Variants in CNTNAP2 observed in about 807,000 individuals in gnomAD.
CNTNAP2 encodes contactin-associated protein-like 2.
CNTNAP2 carries 98 observed loss-of-function variants against 155.2 expected under a neutral mutation model. The observed-to-expected ratio is 0.63, with a 90% CI of 0.54 to 0.75. The LOEUF (loss-of-function observed/expected upper bound fraction) is 0.75. Ranked by LOEUF, CNTNAP2 falls within the 30% of genes least tolerant of loss-of-function variation. CNTNAP2 has a pLI of 0.00. For synonymous variants in CNTNAP2, 651 were observed against 631.2 expected (o/e 1.03, Z -0.47); for missense variants, 1,727 against 1,688.1 (o/e 1.02, Z -0.40).
At chr7:147,862,789 C>T (rs768610863) in intron 13 of CNTNAP2, among the ~76,000 whole-genome samples, 2 of 152,068 alleles carry the variant, frequency 1.3e-5, no homozygotes, top group Admixed American at 6.6e-5. Flanking sequence ...TTCCTCAAAC[C>T]ACTGATTGTA....
At chr7:147,526,662 C>G (rs1799327444) in intron 11 of CNTNAP2, among the ~76,000 whole-genome samples, 1 of 152,096 alleles carries the variant, frequency 6.6e-6, no homozygotes, top group Admixed American at 6.5e-5. Flanking sequence ...TCAACAGATT[C>G]TAAAATATAT....
chr7:146,179,566 C>T (rs76780915), intron 1 of CNTNAP2, among the ~76,000 whole-genome samples: 1,911 of 152,070 alleles, frequency 0.013, 13 homozygotes, highest in Non-Finnish European at 0.021. Context: ...GCATGTTTTT[C>T]GAGAATTATT....
At chr7:146,265,790 T>C (rs561827654) in intron 1 of CNTNAP2, among the ~76,000 whole-genome samples, 1 of 152,320 alleles carries the variant, frequency 6.6e-6, no homozygotes, top group African/African-American at 2.4e-5. Flanking sequence ...GAATACTGAA[T>C]TCAGTGCAAT....
rs569709222 is a variant in CNTNAP2, at chr7:148,097,430, TA to T, written c.2384-20685del. Reference sequence around the variant, plus strand: ...ACAAGATAAATCAGGGACTTTGGAATAAAGAGTTAGTAATATGTTGAGTAGT... The same window carrying T: ...ACAAGATAAATCAGGGACTTTGGAATAAGAGTTAGTAATATGTTGAGTAGT... On this transcript the variant is annotated intron_variant, in intron 15 of 23. Coordinates refer to ENST00000361727, the MANE Select transcript of CNTNAP2 (RefSeq NM_014141.6). 4.0e-3 allele frequency among the ~76,000 whole-genome samples: 600 copies of T among 149,456 alleles called. 5 individuals are homozygous for T. The highest frequency in any genetic ancestry group is 0.014 in the African/African-American group (580 of 40,398).
At chr7:147,896,626 T>A (rs550494438) in intron 13 of CNTNAP2, among the ~76,000 whole-genome samples, 209 of 152,210 alleles carry the variant, frequency 1.4e-3, no homozygotes, top group African/African-American at 4.7e-3. Context: ...CCAGATCAGA[T>A]GAGCCAGTTT....
At chr7:148,325,921 T>C (rs1179695415) in intron 21 of CNTNAP2, among the ~76,000 whole-genome samples, 1 of 152,164 alleles carries the variant, frequency 6.6e-6, no homozygotes, top group East Asian at 1.9e-4. Flanking sequence ...CATGATGCCA[T>C]GTGTCTGCTA....
chr7:146,473,077 T>G (rs1225466708), intron 1 of CNTNAP2, among the ~76,000 whole-genome samples: 1 of 151,882 alleles, frequency 6.6e-6, no homozygotes, highest in African/African-American at 2.4e-5. Flanking sequence ...CATTTGAGAT[T>G]TAAAGAAATG....
intron 2 of CNTNAP2, among the ~76,000 whole-genome samples, chr7:146,784,821 C>T (rs777032070): frequency 4.6e-5 from 7 of 152,084 alleles, no homozygotes; most frequent in Non-Finnish European, 1.0e-4. Context: ...GCGTAGATAT[C>T]GTTTCTATGA....
intron 13 of CNTNAP2, among the ~76,000 whole-genome samples, chr7:147,813,813 G>T (rs193208804): frequency 6.6e-6 from 1 of 152,134 alleles, no homozygotes; most frequent in African/African-American, 2.4e-5. Context: ...CTAGCATTTG[G>T]CCATTCCATT....
chr7:146,530,435 A>C (rs1207270651), intron 1 of CNTNAP2, among the ~76,000 whole-genome samples: 1 of 152,210 alleles, frequency 6.6e-6, no homozygotes, highest in African/African-American at 2.4e-5. Flanking sequence ...GAGCAAAGTA[A>C]ACAGACAATC....
At chr7:146,275,603 C>T (rs1452297140) in intron 1 of CNTNAP2, among the ~76,000 whole-genome samples, 3 of 152,118 alleles carry the variant, frequency 2.0e-5, no homozygotes, top group African/African-American at 7.2e-5. Flanking sequence ...TTATATTAAA[C>T]TTGTGTCTCC....
chr7:146,391,643 C>T (rs551333186), intron 1 of CNTNAP2, among the ~76,000 whole-genome samples: 1 of 152,290 alleles, frequency 6.6e-6, no homozygotes, highest in South Asian at 2.1e-4. Context: ...ACTATCAATT[C>T]ACTTCAACAA....
At chr7:148,401,893 C>T (rs1198303230) in intron 22 of CNTNAP2, among the ~76,000 whole-genome samples, 2 of 152,096 alleles carry the variant, frequency 1.3e-5, no homozygotes, top group African/African-American at 2.4e-5. Context: ...CCACTGTGCC[C>T]GGCCTAATGA....
At chr7:146,362,969 C>T (rs1005860847) in intron 1 of CNTNAP2, among the ~76,000 whole-genome samples, 1 of 151,872 alleles carries the variant, frequency 6.6e-6, no homozygotes, top group Non-Finnish European at 1.5e-5. Flanking sequence ...TGGGGTTTCA[C>T]CATGTTGGCC....
In CNTNAP2 at chr7:147,848,967, C is replaced by G. The variant is rs1297807649; in HGVS notation, c.2099-54598C>G. On this transcript the variant is annotated intron_variant, in intron 13 of 23. Transcript: ENST00000361727. ...CCTTAACATCTCCATATTAGAGATT[C>G]TGTAACTCACATCACTTATGCCAGG... Among the ~76,000 whole-genome samples, 5 of 152,020 alleles carry G rather than the reference C, an allele frequency of 3.3e-5. No individual in the cohort carries two copies. In the East Asian group the frequency reaches 9.7e-4, roughly 29 times the overall value.
intron 10 of CNTNAP2, among the ~76,000 whole-genome samples, chr7:147,453,489 G>A (rs1461179735): frequency 4.6e-5 from 7 of 152,038 alleles, no homozygotes; most frequent in Admixed American, 4.6e-4. Context: ...TCTTGCACAG[G>A]GCTTGGTTCA....
Position 147,493,272 on chromosome 7 carries a change from A to G in CNTNAP2, c.1777+7231A>G, listed in dbSNP as rs145650929. Among the ~76,000 whole-genome samples the G allele has an allele frequency of 2.1e-3, 326 of 152,320 alleles. 1 individual carries two copies. Among genetic ancestry groups the G allele is most frequent in the African/African-American group, 7.1e-3 (294 of 41,576 alleles). ...TAGCCACACTAGCTGATTTATATGC[A>G]TGGAGTACATCTACTCTTTCTAATC... On this transcript the variant is annotated intron_variant, in intron 11 of 23. Transcript: ENST00000361727.
intron 13 of CNTNAP2, among the ~76,000 whole-genome samples, chr7:147,654,071 A>T (rs1795489172): frequency 6.6e-6 from 1 of 152,172 alleles, no homozygotes; most frequent in Admixed American, 6.5e-5. Flanking sequence ...AACAATTTAT[A>T]AGGTTCTAAT....
chr7:146,434,307 C>A (rs946252371), intron 1 of CNTNAP2, among the ~76,000 whole-genome samples: 2 of 152,080 alleles, frequency 1.3e-5, no homozygotes, highest in African/African-American at 4.8e-5. Flanking sequence ...AAGAGGCAAT[C>A]TTATTAGTTT....
Sources: gnomAD v4.1 joint callset for allele counts (sites outside exome capture counted in the v4.1 genomes callset) on GRCh38, gnomAD v4.1.1 for gene constraint, MANE v1.5 for transcripts, NCBI Gene and HGNC (gene_info 2026-07-23, HGNC 2026-07-21) for gene names.